Variants in MAP3K21 observed in about 807,000 individuals in gnomAD.
The protein encoded by MAP3K21 is mitogen-activated protein kinase kinase kinase MLK4.
In MAP3K21, 63 loss-of-function variants were observed where a neutral mutation model predicts 86.1. The ratio of observed to expected loss-of-function variants is 0.73; its 90% CI spans 0.60 to 0.90. MAP3K21 has a LOEUF of 0.90. Ranked by LOEUF, MAP3K21 falls within the 40% of genes least tolerant of loss-of-function variation. The pLI is 0.00. For missense variants in MAP3K21, 1,220 were observed against 1,367.7 expected, an observed-to-expected ratio of 0.89 and a Z score of 1.70; for synonymous variants, 558 against 564.8, an observed-to-expected ratio of 0.99 and a Z score of 0.17.
chr1:233,375,813 A>G, intron 6 of MAP3K21, 103 bp from the exon 7 acceptor site: 1 of 803,106 alleles, frequency 1.2e-6, no homozygotes, highest in Non-Finnish European at 2.0e-6. Context: ...TGTTTTGAGT[A>G]AGGTAGTTTC....
Position 233,379,020 on chromosome 1 carries a change from C to A in MAP3K21, c.2014C>A (p.Leu672Ile), listed in dbSNP as rs1449565191. Residue 672 changes from leucine to isoleucine, a missense_variant, in exon 9 of 10, where the codon CTA becomes ATA. Around this residue, in one of 5 missense-constraint regions of MAP3K21, gnomAD observed 632 missense variants for 691.3 expected, o/e 0.91. Transcript: ENST00000366624. ...ATTGCCTAGTCAGGCCTACATTGAT[C>A]TACCTCTTGGGAAAGATGCTCAGAG... Reference protein sequence around the residue: ...IKLPSQAYIDLPLGKDAQREN... With the variant: ...IKLPSQAYIDIPLGKDAQREN... 6.2e-7 allele frequency: 1 copy of A among 1,614,058 alleles called. No individual in the cohort carries two copies. Among genetic ancestry groups the A allele is most frequent in the Non-Finnish European group, 8.5e-7 (1 of 1,180,036 alleles).
Position 233,328,461 on chromosome 1 carries a change from G to T in MAP3K21, c.433G>T (p.Gly145Cys). ...FGQVYRATWQGQEVAVKAARQ... is the reference protein window; with the variant it reads ...FGQVYRATWQCQEVAVKAARQ... ...GCAGGTGTACCGCGCCACCTGGCAG[G>T]GCCAGGAGGTGGCCGTGAAGGCGGC... The change falls in exon 1 of 10, where the codon GGC (glycine) becomes TGC (cysteine). Residue 145 changes from glycine (G) to cysteine (C), a missense_variant. Physicochemically the swap from Gly to Cys is radical, Grantham distance 159. Around this residue, in one of 5 missense-constraint regions of MAP3K21, gnomAD observed 369 missense variants for 385.3 expected, o/e 0.96. Transcript: ENST00000366624. The surrounding 1 kb of genome is among the most constrained non-coding windows in gnomAD (Gnocchi z 8.7). 6.7e-7 allele frequency: 1 copy of T among 1,499,752 alleles called. No homozygotes were observed. Among genetic ancestry groups the T allele is most frequent in the Non-Finnish European group, 8.8e-7 (1 of 1,134,518 alleles). 92.9% of individuals were successfully genotyped at this position (1,499,752 alleles called of 1,614,324 possible). A position where few individuals can be genotyped will look rare whatever the true frequency, so the allele number is the denominator to read the frequency against.
chr1:233,332,079 A>G (rs1453301041), intron 1 of MAP3K21, among the ~76,000 whole-genome samples: 1 of 152,004 alleles, frequency 6.6e-6, no homozygotes, highest in East Asian at 1.9e-4. Flanking sequence ...GCATTTACAG[A>G]AGAGAGAAAC....
At chr1:233,368,058 T>C (rs1663612621) in intron 5 of MAP3K21, among the ~76,000 whole-genome samples, 1 of 152,140 alleles carries the variant, frequency 6.6e-6, no homozygotes. Flanking sequence ...TGCTTAGTAT[T>C]TATTGTCCCA....
At chr1:233,356,654 C>T (rs1663363872) in intron 4 of MAP3K21, among the ~76,000 whole-genome samples, 1 of 152,178 alleles carries the variant, frequency 6.6e-6, no homozygotes, top group Non-Finnish European at 1.5e-5. Flanking sequence ...TTCACTTAGG[C>T]ATCATTTGTA....
Position 233,328,097 on chromosome 1 carries a change from C to A in MAP3K21, c.69C>A (p.Gly23=). ...CCTCGGCCGGGGGAGCCCCCGGCGG[C>A]TCAGCGTCCTCGTCGTCCACCTCCT... ...PVSSAGGAPG[G]SASSSSTSSG... Residue 23 remains glycine, a synonymous_variant, in exon 1 of 10, where the codon GGC becomes GGA. Coordinates refer to ENST00000366624, the MANE Select transcript of MAP3K21 (RefSeq NM_032435.3). The surrounding 1 kb of genome is among the most constrained non-coding windows in gnomAD (Gnocchi z 8.7). 7.3e-7 allele frequency: 1 copy of A among 1,375,446 alleles called. No individual in the cohort carries two copies. Among genetic ancestry groups the A allele is most frequent in the Admixed American group, 3.5e-5 (1 of 28,740 alleles). The allele number at this position is 1,375,446 out of a possible 1,614,324, so 85.2% of individuals were successfully genotyped here.
intron 9 of MAP3K21, among the ~76,000 whole-genome samples, chr1:233,380,614 A>G (rs1338087942): frequency 6.6e-6 from 1 of 152,240 alleles, no homozygotes; most frequent in African/African-American, 2.4e-5. Context: ...TCTGAAAGAA[A>G]AGAAAATCAA....
intron 1 of MAP3K21, among the ~76,000 whole-genome samples, chr1:233,339,847 T>C (rs1318677174): frequency 2.4e-5 from 3 of 123,122 alleles, no homozygotes; most frequent in African/African-American, 9.9e-5. Flanking sequence ...GGTGAATCGA[T>C]TTTCTGTAAT....
At chr1:233,339,386 T>TTCTCCTC in intron 1 of MAP3K21, among the ~76,000 whole-genome samples, 1 of 70,542 alleles carries the variant, frequency 1.4e-5, no homozygotes, top group East Asian at 5.6e-4. Context: ...TTCTTCTCCT[T>TTCTCCTC]CTTCTCCTCC....
chr1:233,348,832 A>T (rs1663196376), intron 2 of MAP3K21, among the ~76,000 whole-genome samples: 1 of 152,136 alleles, frequency 6.6e-6, no homozygotes, highest in African/African-American at 2.4e-5. Context: ...TAAGTGCCGG[A>T]ACCTTTTAAG....
chr1:233,376,429 G>A lies in MAP3K21; in HGVS notation c.1827-1G>A. ...TGAAAAGAAACATTTTTCTCTTGTA[G>A]GATAAGACCTCTCTCCGATGGCAAC... On this transcript the variant is annotated splice_acceptor_variant, in intron 7 of 9. Coordinates refer to ENST00000366624, the MANE Select transcript of MAP3K21 (RefSeq NM_032435.3). LOFTEE classifies it high-confidence loss of function. 1 of 1,605,504 alleles carries A rather than the reference G, an allele frequency of 6.2e-7. No individual in the cohort carries two copies. Among genetic ancestry groups the A allele is most frequent in the East Asian group, 2.2e-5 (1 of 44,816 alleles).
At chr1:233,353,593 T>C (rs974494505) in intron 2 of MAP3K21, among the ~76,000 whole-genome samples, 5 of 152,232 alleles carry the variant, frequency 3.3e-5, no homozygotes, top group African/African-American at 1.2e-4. Context: ...GAATGCATAC[T>C]GGATTTCTGG....
intron 1 of MAP3K21, among the ~76,000 whole-genome samples, chr1:233,339,028 C>A (rs1174933349): frequency 6.6e-6 from 1 of 152,044 alleles, no homozygotes; most frequent in Non-Finnish European, 1.5e-5. Flanking sequence ...CTTTAGAGGT[C>A]AGGGAGACAG....
chr1:233,371,338 C>T (rs1663675922), intron 5 of MAP3K21, among the ~76,000 whole-genome samples: 1 of 152,076 alleles, frequency 6.6e-6, no homozygotes, highest in African/African-American at 2.4e-5. Context: ...AATCCAGGGC[C>T]ATTTCAATTT....
rs373695622 is a variant in MAP3K21, at chr1:233,382,609, C to T, written c.3009C>T (p.Asp1003=). Reference sequence around the variant, plus strand: ...ATGTGCCTTCATTACTGGATGCTGACGTGGAAGGTCAGAGCAGGGACTACA... The same window carrying T: ...ATGTGCCTTCATTACTGGATGCTGATGTGGAAGGTCAGAGCAGGGACTACA... ...KSHVPSLLDA[D]VEGQSRDYTV... Residue 1003 remains aspartate, a synonymous_variant, in exon 10 of 10, where the codon GAC becomes GAT. Coordinates refer to ENST00000366624, the MANE Select transcript of MAP3K21 (RefSeq NM_032435.3). 94 of 1,614,128 alleles carry T rather than the reference C, an allele frequency of 5.8e-5. 2 individuals are homozygous for T. The highest frequency in any genetic ancestry group is 4.0e-4 in the East Asian group (18 of 44,878).
chr1:233,355,199 G>A (rs190163168), intron 4 of MAP3K21, among the ~76,000 whole-genome samples, 188 bp downstream of exon 4: 1 of 151,772 alleles, frequency 6.6e-6, no homozygotes, highest in Admixed American at 6.6e-5. Flanking sequence ...GTATAATTGG[G>A]GAAAATACCC....
chr1:233,362,004 C>T (rs1005724010), intron 4 of MAP3K21, 49 bp from the exon 5 acceptor site: 2 of 1,590,558 alleles, frequency 1.3e-6, no homozygotes, highest in African/African-American at 1.3e-5. Flanking sequence ...GACGGAATTC[C>T]CTTCTTCCTG....
chr1:233,364,333 G>T (rs575879149), intron 5 of MAP3K21, among the ~76,000 whole-genome samples: 35 of 152,266 alleles, frequency 2.3e-4, no homozygotes, highest in African/African-American at 8.4e-4. Context: ...AAAATCCAGA[G>T]GTGCACTAGA....
chr1:233,373,093 G>GAAACTGGA, intron 6 of MAP3K21: 1 of 152,096 alleles, frequency 6.6e-6, no homozygotes, highest in Non-Finnish European at 1.5e-5. Flanking sequence ...TCCCCACAGA[G>GAAACTGGA]AAACTGGATC....
Sources: gnomAD v4.1 joint callset for allele counts (sites outside exome capture counted in the v4.1 genomes callset) on GRCh38, gnomAD v4.1.1 for gene constraint, gnomAD v4.1.1 regional missense constraint, Gnocchi (gnomAD v3.1) non-coding constraint, MANE v1.5 for transcripts, NCBI Gene and HGNC (gene_info 2026-07-23, HGNC 2026-07-21) for gene names.